SCAMP1: variants seen among roughly 807,000 people sequenced by gnomAD.
SCAMP1 encodes secretory carrier membrane protein 1.
In SCAMP1, 15 loss-of-function variants were observed where a neutral mutation model predicts 41.8. The observed-to-expected ratio is 0.36, with a 90% CI of 0.24 to 0.55. SCAMP1 has a LOEUF of 0.55. Among genes scored for constraint, SCAMP1 ranks in the 20% least tolerant of loss-of-function variants. The pLI, the probability that SCAMP1 is intolerant of heterozygous loss-of-function variation, is 0.86. For synonymous variants in SCAMP1, 135 were observed against 136.8 expected, an observed-to-expected ratio of 0.99 and a Z score of 0.09; for missense variants, 341 against 412.6, an observed-to-expected ratio of 0.83 and a Z score of 1.50.
At chr5:78,397,244 C>A (rs1751675227) in intron 2 of SCAMP1, among the ~76,000 whole-genome samples, 1 of 152,148 alleles carries the variant, frequency 6.6e-6, no homozygotes, top group Admixed American at 6.6e-5. Flanking sequence ...AAAGAATAAT[C>A]TTTTCAGTAA....
At chr5:78,443,613 C>G (rs371775712) in intron 6 of SCAMP1, among the ~76,000 whole-genome samples, 1 of 146,780 alleles carries the variant, frequency 6.8e-6, no homozygotes, top group Non-Finnish European at 1.5e-5. Flanking sequence ...TCTTTCATTC[C>G]AGTCCTGTGC....
intron 2 of SCAMP1, among the ~76,000 whole-genome samples, chr5:78,391,227 G>A (rs1435166765): frequency 3.3e-5 from 5 of 151,558 alleles, no homozygotes; most frequent in African/African-American, 7.3e-5. Flanking sequence ...CAGTAGGGGC[G>A]GCCGGGCAGA....
intron 6 of SCAMP1, among the ~76,000 whole-genome samples, chr5:78,445,964 C>T (rs762504441): frequency 2.6e-5 from 4 of 152,086 alleles, no homozygotes; most frequent in African/African-American, 4.8e-5. Flanking sequence ...TATTAACGGT[C>T]AGTGTGCAAT....
At chr5:78,395,469 AT>A (rs1751628062) in intron 2 of SCAMP1, among the ~76,000 whole-genome samples, 1 of 152,200 alleles carries the variant, frequency 6.6e-6, no homozygotes, top group Non-Finnish European at 1.5e-5. Flanking sequence ...TGTGTAACAA[AT>A]TACCATAAAC....
chr5:78,385,569 A>T (rs1751321294), intron 1 of SCAMP1, among the ~76,000 whole-genome samples: 1 of 151,830 alleles, frequency 6.6e-6, no homozygotes, highest in Admixed American at 6.6e-5. Flanking sequence ...AGACTTTTTG[A>T]TGTAAGCATT....
At chr5:78,400,090 T>G (rs1237632878) in intron 2 of SCAMP1, among the ~76,000 whole-genome samples, 1 of 152,184 alleles carries the variant, frequency 6.6e-6, no homozygotes. Flanking sequence ...CTGTGATCCA[T>G]TTTGAATTAA....
chr5:78,416,819 T>A (rs187201130), intron 4 of SCAMP1, among the ~76,000 whole-genome samples, 170 bp downstream of exon 4: 1 of 152,330 alleles, frequency 6.6e-6, no homozygotes, highest in Admixed American at 6.5e-5. Flanking sequence ...AGCCTTCTAA[T>A]CTTGGCTGAT....
At chr5:78,470,120 C>A (rs1180595707) in intron 8 of SCAMP1, among the ~76,000 whole-genome samples, 1 of 151,718 alleles carries the variant, frequency 6.6e-6, no homozygotes, top group African/African-American at 2.4e-5. Context: ...TTAAAAAAAC[C>A]TAAAGTATAC....
At chr5:78,389,513 C>A (rs1008348776) in intron 2 of SCAMP1, among the ~76,000 whole-genome samples, 21 of 152,156 alleles carry the variant, frequency 1.4e-4, no homozygotes, top group African/African-American at 4.8e-4. Flanking sequence ...AATCCATCCT[C>A]CCACCTCAGC....
At chr5:78,393,661 A>AT (rs1282242142) in intron 2 of SCAMP1, among the ~76,000 whole-genome samples, 5 of 152,012 alleles carry the variant, frequency 3.3e-5, no homozygotes, top group African/African-American at 9.7e-5. Flanking sequence ...TTATGAAATA[A>AT]TTTTTTTTGT....
At chr5:78,401,658 A>G (rs1239196545) in intron 2 of SCAMP1, among the ~76,000 whole-genome samples, 1 of 152,120 alleles carries the variant, frequency 6.6e-6, no homozygotes, top group African/African-American at 2.4e-5. Flanking sequence ...TTTAATGTCT[A>G]TGGGACCTTA....
chr5:78,362,434 C>T (rs1435723136), intron 1 of SCAMP1, among the ~76,000 whole-genome samples: 1 of 152,208 alleles, frequency 6.6e-6, no homozygotes, highest in Non-Finnish European at 1.5e-5. Context: ...CTGATATTGC[C>T]ATGACACTTT....
At chr5:78,440,053 A>G (rs984134746) in intron 6 of SCAMP1, among the ~76,000 whole-genome samples, 5 of 152,156 alleles carry the variant, frequency 3.3e-5, no homozygotes, top group African/African-American at 7.2e-5. Context: ...TTTCAGCTCC[A>G]TCAGGTCCTT....
intron 7 of SCAMP1, among the ~76,000 whole-genome samples, chr5:78,453,880 TCTC>T (rs1753310739): frequency 6.6e-6 from 1 of 151,866 alleles, no homozygotes; most frequent in Admixed American, 6.5e-5. Flanking sequence ...GGTTTGTAGT[TCTC>T]CTTGAAGAGG....
Position 78,389,449 on chromosome 5 carries a change from T to C in SCAMP1, c.135+535T>C, listed in dbSNP as rs1335665285. 3.3e-5 allele frequency among the ~76,000 whole-genome samples: 5 copies of C among 152,172 alleles called. No individual in the cohort carries two copies. In the East Asian group the frequency reaches 9.6e-4, roughly 29 times the overall value. On this transcript the variant is annotated intron_variant, in intron 2 of 8. Transcript: ENST00000621999. The stretch of plus-strand genomic sequence containing the variant: ...TTTTTTTCTTTTAAAAATTTATTTA[T>C]TGTAGAGACAGTGTCTTCTATGTTC...
chr5:78,391,740 T>A (rs1247083199), intron 2 of SCAMP1, among the ~76,000 whole-genome samples: 1 of 152,128 alleles, frequency 6.6e-6, no homozygotes, highest in Non-Finnish European at 1.5e-5. Context: ...TGAACCAGAC[T>A]CTGTCTGCAA....
At chr5:78,424,449 G>A (rs1187359184) in intron 6 of SCAMP1, among the ~76,000 whole-genome samples, 1 of 152,106 alleles carries the variant, frequency 6.6e-6, no homozygotes, top group Non-Finnish European at 1.5e-5. Context: ...GTAACTTGGG[G>A]CTGGGCATGG....
chr5:78,418,405 T>C (rs1438774807), intron 4 of SCAMP1, among the ~76,000 whole-genome samples: 1 of 152,208 alleles, frequency 6.6e-6, no homozygotes, highest in Non-Finnish European at 1.5e-5. Flanking sequence ...AAAAACTGGA[T>C]GGCCCTTTCA....
intron 2 of SCAMP1, among the ~76,000 whole-genome samples, chr5:78,393,772 C>T (rs1038812132): frequency 6.6e-6 from 1 of 152,104 alleles, no homozygotes; most frequent in Admixed American, 6.5e-5. Context: ...GAGAAATTAT[C>T]CTTAAGAATT....
Sources: gnomAD v4.1 joint callset for allele counts (sites outside exome capture counted in the v4.1 genomes callset) on GRCh38, gnomAD v4.1.1 for gene constraint, MANE v1.5 for transcripts, NCBI Gene and HGNC (gene_info 2026-07-23, HGNC 2026-07-21) for gene names.